ENTREP2: variants seen among roughly 807,000 people sequenced by gnomAD.
The protein encoded by ENTREP2 is protein ENTREP2.
the ENTREP2 span, among the ~76,000 whole-genome samples, chr15:29,284,801 C>A: frequency 6.6e-6 from 1 of 152,126 alleles, no homozygotes; most frequent in East Asian, 1.9e-4. Context: ...CAGATCAGAA[C>A]AAGGGTCCAA....
At chr15:29,234,094 C>CAT in the ENTREP2 span, 1 of 1,497,382 alleles carries the variant, frequency 6.7e-7, no homozygotes, top group Non-Finnish European at 9.3e-7. Flanking sequence ...GTCTTGATAA[C>CAT]ATATCAGACA....
the ENTREP2 span, among the ~76,000 whole-genome samples, chr15:29,577,413 G>T: frequency 5.5e-4 from 84 of 151,534 alleles, 1 homozygote; most frequent in South Asian, 0.017. Context: ...GAGTGCAGTG[G>T]CACAAAGACG....
the ENTREP2 span, among the ~76,000 whole-genome samples, chr15:29,631,197 T>G: frequency 3.9e-5 from 6 of 152,244 alleles, no homozygotes; most frequent in Admixed American, 1.3e-4. Context: ...TTGTTGAAAC[T>G]TTTTGTGATG....
chr15:29,505,519 C>A, the ENTREP2 span, among the ~76,000 whole-genome samples: 1 of 152,204 alleles, frequency 6.6e-6, no homozygotes, highest in Non-Finnish European at 1.5e-5. This position sits in a 1 kb window ranked among gnomAD's most constrained non-coding sequence, Gnocchi z 4.3. Flanking sequence ...TGGCTGGCAT[C>A]TGGCAGGTGC....
At chr15:29,422,595 TCTGTA>T in the ENTREP2 span, among the ~76,000 whole-genome samples, 2 of 152,214 alleles carry the variant, frequency 1.3e-5, no homozygotes, top group South Asian at 2.1e-4. Flanking sequence ...ACTCTGAGGC[TCTGTA>T]ATGTCGGAAG....
the ENTREP2 span, among the ~76,000 whole-genome samples, chr15:29,623,063 T>C: frequency 6.6e-6 from 1 of 152,228 alleles, no homozygotes; most frequent in African/African-American, 2.4e-5. Context: ...GCTATAATGC[T>C]CCTTTATACT....
chr15:29,652,414 G>A, the ENTREP2 span, among the ~76,000 whole-genome samples: 1 of 152,226 alleles, frequency 6.6e-6, no homozygotes, highest in Non-Finnish European at 1.5e-5. Context: ...CAGTCTTCCT[G>A]GTTGCAGGGT....
the ENTREP2 span, among the ~76,000 whole-genome samples, chr15:29,208,631 C>T: frequency 6.6e-6 from 1 of 152,222 alleles, no homozygotes; most frequent in Non-Finnish European, 1.5e-5. Flanking sequence ...GGAAAACACA[C>T]AGTTTGGCAG....
At chr15:29,646,756 G>T in the ENTREP2 span, among the ~76,000 whole-genome samples, 1 of 152,146 alleles carries the variant, frequency 6.6e-6, no homozygotes, top group South Asian at 2.1e-4. Context: ...AAATCTTGGG[G>T]CATGGAGGCA....
chr15:29,233,078 A>G, the ENTREP2 span, among the ~76,000 whole-genome samples: 3 of 152,222 alleles, frequency 2.0e-5, no homozygotes, highest in Non-Finnish European at 2.9e-5. Context: ...CTAGTAATAA[A>G]GCTTGATAAA....
the ENTREP2 span, among the ~76,000 whole-genome samples, chr15:29,340,752 G>A: frequency 2.6e-5 from 4 of 152,148 alleles, no homozygotes; most frequent in African/African-American, 9.7e-5. Context: ...ATGGAGATCT[G>A]GCAAGGTGGC....
At chr15:29,444,020 C>T in the ENTREP2 span, among the ~76,000 whole-genome samples, 1 of 152,030 alleles carries the variant, frequency 6.6e-6, no homozygotes, top group Admixed American at 6.6e-5. Context: ...AGGAGAATGG[C>T]GTGAACCTGG....
At chr15:29,508,611 T>G in the ENTREP2 span, among the ~76,000 whole-genome samples, 1 of 152,120 alleles carries the variant, frequency 6.6e-6, no homozygotes, top group Non-Finnish European at 1.5e-5. Flanking sequence ...AATCAATAAA[T>G]GTAATGTATC....
chr15:29,463,285 A>G, the ENTREP2 span, among the ~76,000 whole-genome samples: 1 of 152,168 alleles, frequency 6.6e-6, no homozygotes, highest in Non-Finnish European at 1.5e-5. Flanking sequence ...CACTGTGACC[A>G]CACACCTCAG....
the ENTREP2 span, among the ~76,000 whole-genome samples, chr15:29,529,856 AT>A: frequency 6.6e-6 from 1 of 152,194 alleles, no homozygotes; most frequent in African/African-American, 2.4e-5. Flanking sequence ...TCACAGGTTT[AT>A]GGCCATTCTG....
chr15:29,152,240 T>C, the ENTREP2 span, among the ~76,000 whole-genome samples: 3 of 152,222 alleles, frequency 2.0e-5, no homozygotes, highest in African/African-American at 7.2e-5. Flanking sequence ...TAAGAAATCC[T>C]ACAGAGAGAT....
chr15:29,539,917 C>T, the ENTREP2 span, among the ~76,000 whole-genome samples: 1 of 152,272 alleles, frequency 6.6e-6, no homozygotes, highest in South Asian at 2.1e-4. Context: ...AGGACGCCCA[C>T]CTAGCTGCAA....
the ENTREP2 span, among the ~76,000 whole-genome samples, chr15:29,180,431 G>A: frequency 3.3e-5 from 5 of 152,078 alleles, no homozygotes; most frequent in African/African-American, 1.2e-4. Context: ...TTTGGGAGTC[G>A]AGGCAGGCGG....
At chr15:29,472,772 AATTAT>A in the ENTREP2 span, among the ~76,000 whole-genome samples, 4 of 152,288 alleles carry the variant, frequency 2.6e-5, no homozygotes, top group South Asian at 2.1e-4. Flanking sequence ...GCCTATAATC[AATTAT>A]ATTATAAGTT....
Sources: allele counts gnomAD v4.1 joint callset (sites outside exome capture counted in the v4.1 genomes callset), GRCh38; gene constraint gnomAD v4.1.1; non-coding constraint Gnocchi (gnomAD v3.1); transcripts MANE v1.5; gene names NCBI Gene and HGNC (gene_info 2026-07-23, HGNC 2026-07-21).